PAFAH1B1: variants seen among roughly 807,000 people sequenced by gnomAD.
PAFAH1B1 encodes platelet activating factor acetylhydrolase 1b regulatory subunit 1, also known as platelet-activating factor acetylhydrolase IB subunit beta.
Under a neutral mutation model 57.5 loss-of-function variants are expected in PAFAH1B1, and 2 were observed. The observed-to-expected ratio is 0.03, with a 90% CI of 0.01 to 0.11. The LOEUF (loss-of-function observed/expected upper bound fraction) is 0.11, where lower values mean the gene tolerates loss of function less well. Ranked by LOEUF, PAFAH1B1 falls within the 10% of genes least tolerant of loss-of-function variation. The probability of loss-of-function intolerance (pLI) is 1.00; values close to 1 mark genes in which losing one functional copy is unlikely to be tolerated. For missense variants in PAFAH1B1, 257 were observed against 512.0 expected, an observed-to-expected ratio of 0.50 and a Z score of 4.81; for synonymous variants, 152 against 169.6, an observed-to-expected ratio of 0.90 and a Z score of 0.81.
At position 2,601,607 on chromosome 17, in the gene PAFAH1B1, CAT is replaced by C. The variant is rs531888000; in HGVS notation, c.-191+7604_-191+7605del. On this transcript the variant is annotated intron_variant, in intron 1 of 10. Transcript: ENST00000397195. ...CAGGTGCCTGCCGGCATACCTGGCT[CAT>C]ATTTCTATTTTTAGGAGAGATGGAG... is the stretch of plus-strand genomic sequence containing the variant. Among the ~76,000 whole-genome samples, 19 of 152,264 alleles carry C rather than the reference CAT, an allele frequency of 1.2e-4. No homozygotes were observed. The South Asian group carries it at 3.9e-3, about 32-fold the overall frequency.
intron 1 of PAFAH1B1, among the ~76,000 whole-genome samples, chr17:2,616,004 A>G (rs1186478743): frequency 1.3e-5 from 2 of 152,168 alleles, no homozygotes; most frequent in African/African-American, 4.8e-5. Context: ...GAATACAAAA[A>G]CTTAGTGGAA....
intron 1 of PAFAH1B1, among the ~76,000 whole-genome samples, chr17:2,606,505 G>C (rs1659809449): frequency 6.6e-6 from 1 of 152,054 alleles, no homozygotes; most frequent in South Asian, 2.1e-4. Flanking sequence ...TGGAATTATG[G>C]GTGCCTGCCA....
intron 2 of PAFAH1B1, among the ~76,000 whole-genome samples, chr17:2,638,815 A>C (rs1026023258): frequency 6.6e-6 from 1 of 151,046 alleles, no homozygotes; most frequent in Non-Finnish European, 1.5e-5. Flanking sequence ...GCCGTGATAC[A>C]GCATTATTCA....
rs1011510828 is a variant in PAFAH1B1 at position 2,659,660 on chromosome 17, G to A, written c.33-5712G>A. Reference sequence around the variant, plus strand: ...AGCCTAGCCAACACAGTGAAACCCCGTCTCCACTAAAAATATTAAAAAAAA... The same window carrying A: ...AGCCTAGCCAACACAGTGAAACCCCATCTCCACTAAAAATATTAAAAAAAA... On this transcript the variant is annotated intron_variant, in intron 2 of 10. Transcript: ENST00000397195. 1.0e-4 allele frequency among the ~76,000 whole-genome samples: 15 copies of A among 149,554 alleles called. 1 individual carries two copies. The South Asian group carries it at 1.1e-3, about 11-fold the overall frequency.
At chr17:2,663,472 C>T (rs117278827) in intron 2 of PAFAH1B1, among the ~76,000 whole-genome samples, 1,843 of 152,166 alleles carry the variant, frequency 0.012, 25 homozygotes, top group Middle Eastern at 0.024. Context: ...GCTGCAACCT[C>T]AACCTGCCAG....
intron 5 of PAFAH1B1, 74 bp from the exon 6 acceptor site, chr17:2,670,089 C>T: frequency 8.0e-7 from 1 of 1,250,100 alleles, no homozygotes; most frequent in Non-Finnish European, 1.2e-6. Flanking sequence ...GCCAGACTGG[C>T]CTGCTGAGTG....
rs2069202974 is a variant in PAFAH1B1, at chr17:2,672,892, A to T, written c.671+135A>T. ...AGACCAGCCTGGCCAACATGATGAA[A>T]CCCCATCTCTACTAAAAATACAAAA... On this transcript the variant is annotated intron_variant, in intron 7 of 10. Transcript: ENST00000397195. 8.8e-6 allele frequency: 6 copies of T among 684,178 alleles called. No homozygotes were observed. The East Asian group carries it at 1.7e-4, about 19-fold the overall frequency. The allele number at this position is 684,178 out of a possible 1,614,324, so 42.4% of individuals were successfully genotyped here. A position where few individuals can be genotyped will look rare whatever the true frequency, so the allele number is the denominator to read the frequency against.
chr17:2,625,094 T>A (rs1054798758), intron 1 of PAFAH1B1, among the ~76,000 whole-genome samples: 1 of 152,138 alleles, frequency 6.6e-6, no homozygotes, highest in Non-Finnish European at 1.5e-5. Context: ...AAACACATTG[T>A]TGTCTTAGAT....
intron 9 of PAFAH1B1, chr17:2,679,887 T>C (rs1256755939): frequency 7.1e-6 from 3 of 424,464 alleles, no homozygotes; most frequent in South Asian, 2.7e-5. Flanking sequence ...AAATTTACCA[T>C]TGATAGACTA....
At chr17:2,673,321 C>CA (rs925637645) in intron 7 of PAFAH1B1, among the ~76,000 whole-genome samples, 1 of 152,076 alleles carries the variant, frequency 6.6e-6, no homozygotes, top group Non-Finnish European at 1.5e-5. Context: ...TTTAGGTGAT[C>CA]TCTCTGTGGG....
In PAFAH1B1 at chr17:2,593,934, C is replaced by G. The variant is rs2151603785; in HGVS notation, c.-263C>G. 2 of 393,244 alleles carry G rather than the reference C, an allele frequency of 5.1e-6. No individual in the cohort carries two copies. The highest frequency in any genetic ancestry group is 4.2e-5 in the African/African-American group (2 of 47,790). 24.4% of individuals were successfully genotyped at this position (393,244 alleles called of 1,614,324 possible). ...TCCCTCCTTCCTCCCTCCCCTCTCC[C>G]TCCCCCTCCCCCGCCGGTGGATGGG... On this transcript the variant is annotated 5_prime_UTR_variant, in exon 1 of 11. Transcript: ENST00000397195.
intron 2 of PAFAH1B1, among the ~76,000 whole-genome samples, chr17:2,665,076 C>T (rs1001806888): frequency 6.6e-6 from 1 of 151,968 alleles, no homozygotes; most frequent in African/African-American, 2.4e-5. Flanking sequence ...GTGCCTACAG[C>T]TTGTGAGGTA....
intron 1 of PAFAH1B1, among the ~76,000 whole-genome samples, chr17:2,621,322 G>T (rs559000332): frequency 6.6e-6 from 1 of 152,204 alleles, no homozygotes; most frequent in Non-Finnish European, 1.5e-5. Flanking sequence ...GAGAACATGC[G>T]CTATTTGGCT....
chr17:2,665,643 C>T (rs1405309133), intron 3 of PAFAH1B1, among the ~76,000 whole-genome samples, 187 bp downstream of exon 3: 1 of 151,756 alleles, frequency 6.6e-6, no homozygotes, highest in Non-Finnish European at 1.5e-5. Context: ...ACTTTGTCTC[C>T]CAGGCTGGAG....
intron 5 of PAFAH1B1, among the ~76,000 whole-genome samples, chr17:2,669,555 G>A (rs1195654184): frequency 6.6e-6 from 1 of 152,064 alleles, no homozygotes; most frequent in East Asian, 1.9e-4. Context: ...CACTGCGCCC[G>A]GCCATATTTC....
intron 2 of PAFAH1B1, among the ~76,000 whole-genome samples, chr17:2,647,975 G>C (rs2068790839): frequency 6.6e-6 from 1 of 152,156 alleles, no homozygotes; most frequent in South Asian, 2.1e-4. Flanking sequence ...CTGCACTCCA[G>C]TCTGGGCAAC....
At chr17:2,638,497 AT>A in intron 2 of PAFAH1B1, 177 bp downstream of exon 2, 1 of 572,456 alleles carries the variant, frequency 1.7e-6, no homozygotes, top group South Asian at 2.5e-5. Flanking sequence ...ATATAGCATT[AT>A]TTTTAAAATT....
At chr17:2,621,607 CTTTTTTTTTTTTTTTTTTT>C (rs534219431) in intron 1 of PAFAH1B1, among the ~76,000 whole-genome samples, 22,085 of 84,820 alleles carry the variant, frequency 0.26, 2,442 homozygotes, top group Middle Eastern at 0.38. Context: ...GATAATCTGT[CTTTTTTTTTTTTTTTTTTT>C]TTTTTTTTTT....
chr17:2,618,976 A>AAT (rs1269513393), intron 1 of PAFAH1B1, among the ~76,000 whole-genome samples: 1 of 150,052 alleles, frequency 6.7e-6, no homozygotes, highest in African/African-American at 2.5e-5. Context: ...AAAAAAAAAA[A>AAT]ATTCAGAGCA....
Sources: gnomAD v4.1 joint callset for allele counts (sites outside exome capture counted in the v4.1 genomes callset) on GRCh38, gnomAD v4.1.1 for gene constraint, MANE v1.5 for transcripts, NCBI Gene and HGNC (gene_info 2026-07-23, HGNC 2026-07-21) for gene names.